Variants in LALBA observed in about 807,000 individuals in gnomAD.
The protein encoded by LALBA is lactalbumin alpha, also known as alpha-lactalbumin.
A neutral mutation model predicts 13.4 loss-of-function variants in LALBA; 12 were observed. The ratio of observed to expected loss-of-function variants is 0.89; its 90% CI spans 0.57 to 1.45. LALBA has a LOEUF of 1.45. LALBA is among the 40% of genes most tolerant of loss of function. The pLI, the probability that LALBA is intolerant of heterozygous loss-of-function variation, is 0.00. For missense variants in LALBA, 145 were observed against 165.9 expected, an observed-to-expected ratio of 0.87 and a Z score of 0.69; for synonymous variants, 64 against 61.0, an observed-to-expected ratio of 1.05 and a Z score of -0.23.
At chr12:48,571,613 G>C (rs1012936275), upstream of LALBA, among the ~76,000 whole-genome samples, 1 of 151,918 alleles carries the variant, frequency 6.6e-6, no homozygotes, top group African/African-American at 2.4e-5. Flanking sequence ...TCAAACTTCT[G>C]AGCTCAGGCA....
At chr12:48,569,271 G>A (rs1236811138) in intron 1 of LALBA, 31 bp from the exon 2 acceptor site, 1 of 1,572,398 alleles carries the variant, frequency 6.4e-7, no homozygotes, top group East Asian at 2.3e-5. Flanking sequence ...AGATACCACA[G>A]AGATGTACAG....
chr12:48,569,240 A>G lies in LALBA; in HGVS notation c.134T>C (p.Leu45Ser). ...ACTGGTGTGAAACATGGTACAGATC[A>G]CTGAGGGAAAGATGAGAAAGAGATA... ...DGYGGIALPE[L>S]ICTMFHTSGY... is the part of the protein sequence containing the mutation. The change falls in exon 2 of 4, where the codon TTG (leucine) becomes TCG (serine). Residue 45 changes from leucine to serine, a missense_variant and splice_region_variant. Physicochemically the swap from Leu to Ser is moderately radical, Grantham distance 145. Transcript: ENST00000301046. 6.2e-7 allele frequency: 1 copy of G among 1,610,152 alleles called. No individual in the cohort carries two copies. The highest frequency in any genetic ancestry group is 8.5e-7 in the Non-Finnish European group (1 of 1,177,604).
At position 48,567,792 on chromosome 12, in the gene LALBA, C is replaced by T; in HGVS notation, c.*165G>A. The T allele has an allele frequency of 1.6e-6, 1 of 636,722 alleles. No homozygotes were observed. The highest frequency in any genetic ancestry group is 2.8e-6 in the Non-Finnish European group (1 of 352,680). 39.4% of individuals were successfully genotyped at this position (636,722 alleles called of 1,614,324 possible). A position where few individuals can be genotyped will look rare whatever the true frequency, so the allele number is the denominator to read the frequency against. On this transcript the variant is annotated 3_prime_UTR_variant, in exon 4 of 4. Coordinates refer to ENST00000301046, the MANE Select transcript of LALBA (RefSeq NM_002289.3). ...TCTAGAGCTCAGTGCACCACTCAGG[C>T]ATCCCTGGAAAATAGTCTTCAAGAA...
At chr12:48,571,641 T>G (rs79641683), upstream of LALBA, among the ~76,000 whole-genome samples, 35 of 152,252 alleles carry the variant, frequency 2.3e-4, no homozygotes, top group East Asian at 6.8e-3. Flanking sequence ...TGCCTGGGCC[T>G]CGGCCTCCCA....
chr12:48,568,975 G>A, intron 2 of LALBA, 107 bp downstream of exon 2: 1 of 982,328 alleles, frequency 1.0e-6, no homozygotes, highest in Non-Finnish European at 1.5e-6. Context: ...TTTTTATAGA[G>A]CCCAGCCAAG....
chr12:48,567,886 A>T lies in LALBA; in HGVS notation c.*71T>A. 7.9e-7 allele frequency: 1 copy of T among 1,263,110 alleles called. No homozygotes were observed. The highest frequency in any genetic ancestry group is 1.3e-5 in the South Asian group (1 of 78,840). 78.2% of individuals were successfully genotyped at this position (1,263,110 alleles called of 1,614,324 possible). On this transcript the variant is annotated 3_prime_UTR_variant, in exon 4 of 4. Coordinates refer to ENST00000301046, the MANE Select transcript of LALBA (RefSeq NM_002289.3). The stretch of plus-strand genomic sequence containing the variant: ...GCTTTGGGGGAACAGAAAGAAACAA[A>T]CTGAGGTGGCATTAGGGAAGAGGTA...
At chr12:48,570,064 T>G, upstream of LALBA, 2 of 1,610,278 alleles carry the variant, frequency 1.2e-6, no homozygotes, top group Non-Finnish European at 1.7e-6. Flanking sequence ...TCACTCAGTT[T>G]CATTTATTTA....
At chr12:48,570,126 A>C, upstream of LALBA, 1 of 1,191,394 alleles carries the variant, frequency 8.4e-7, no homozygotes, top group Non-Finnish European at 1.2e-6. Flanking sequence ...ACATCTAGGA[A>C]GAGAATGAAG....
rs887053775 is a variant in LALBA, at chr12:48,569,914, C to G, written c.107G>C (p.Gly36Ala). 1.2e-5 allele frequency: 20 copies of G among 1,613,890 alleles called. No individual in the cohort carries two copies. In the Admixed American group the frequency reaches 3.3e-4, roughly 27 times the overall value. Residue 36 changes from glycine (G) to alanine (A), a missense_variant, in exon 1 of 4, where the codon GGT (glycine) becomes GCT (alanine). Physicochemically the swap from Gly to Ala is moderately conservative, Grantham distance 60 (BLOSUM62 0). Coordinates refer to ENST00000301046, the MANE Select transcript of LALBA (RefSeq NM_002289.3). ...TTCAGGCAAAGCGATGCCTCCATAA[C>G]CATCTATGTCTTTCAGCAGCTGGGA... ...ELSQLLKDIDGYGGIALPELI... is the reference protein window; with the variant it reads ...ELSQLLKDIDAYGGIALPELI...
In LALBA at chr12:48,570,040, C is replaced by G. The variant is rs981803065; in HGVS notation, c.-20G>C. 7.4e-6 allele frequency: 12 copies of G among 1,613,366 alleles called. No individual in the cohort carries two copies. The highest frequency in any genetic ancestry group is 2.2e-5 in the East Asian group (1 of 44,886). On this transcript the variant is annotated 5_prime_UTR_variant, in exon 1 of 4. Coordinates refer to ENST00000301046, the MANE Select transcript of LALBA (RefSeq NM_002289.3). ...CCTCATTTTGGCTACCCCCAAGAACCTGAAATGGAAGCATCACTCAGTTTC... is the reference window on the plus strand; with the variant it reads ...CCTCATTTTGGCTACCCCCAAGAACGTGAAATGGAAGCATCACTCAGTTTC...
In LALBA at chr12:48,569,068, T is replaced by C. The variant is rs201685186; in HGVS notation, c.292+14A>G. ...TCAGAAAAACAGAGAAAGAGGGTTA[T>C]AGGGGCTACTCACTGTCACAGGAGA... On this transcript the variant is annotated intron_variant, in intron 2 of 3. Coordinates refer to ENST00000301046, the MANE Select transcript of LALBA (RefSeq NM_002289.3). The C allele has an allele frequency of 5.0e-6, 8 of 1,601,316 alleles. No homozygotes were observed. In the East Asian group the frequency reaches 1.8e-4, roughly 36 times the overall value.
At chr12:48,570,846 A>G (rs1376159721), upstream of LALBA, among the ~76,000 whole-genome samples, 3 of 151,974 alleles carry the variant, frequency 2.0e-5, no homozygotes, top group South Asian at 6.3e-4. Flanking sequence ...GCATGGTGAC[A>G]TGTGCCTGTA....
At chr12:48,570,841 G>T (rs916171088), upstream of LALBA, among the ~76,000 whole-genome samples, 1 of 151,958 alleles carries the variant, frequency 6.6e-6, no homozygotes, top group African/African-American at 2.4e-5. Flanking sequence ...GCTGGGCATG[G>T]TGACATGTGC....
upstream of LALBA, among the ~76,000 whole-genome samples, chr12:48,571,058 C>A (rs1300227625): frequency 6.6e-6 from 1 of 151,722 alleles, no homozygotes; most frequent in African/African-American, 2.4e-5. Flanking sequence ...CCACTCCTAC[C>A]GTAAATAACC....
chr12:48,569,032 A>ATTTTCTG, intron 2 of LALBA, 50 bp downstream of exon 2: 1 of 1,495,686 alleles, frequency 6.7e-7, no homozygotes, highest in Non-Finnish European at 9.0e-7. Flanking sequence ...AGATTATCCC[A>ATTTTCTG]AGGGCAGGCC....
chr12:48,570,663 G>A (rs1395358325), upstream of LALBA, among the ~76,000 whole-genome samples: 1 of 152,064 alleles, frequency 6.6e-6, no homozygotes, highest in Non-Finnish European at 1.5e-5. Context: ...CCTACTTAAG[G>A]AAAATGCATA....
Position 48,567,744 on chromosome 12 carries a change from C to T in LALBA, c.*213G>A. The T allele has an allele frequency of 1.2e-5, 6 of 514,014 alleles. No homozygotes were observed. The highest frequency in any genetic ancestry group is 1.8e-5 in the Non-Finnish European group (5 of 282,576). 31.8% of individuals were successfully genotyped at this position (514,014 alleles called of 1,614,324 possible). A position where few individuals can be genotyped will look rare whatever the true frequency, so the allele number is the denominator to read the frequency against. ...TGAAATCTGTGCTGTAGTGAAAGTG[C>T]CATCGAAGGCACTGAGTAAGGGTCT... On this transcript the variant is annotated 3_prime_UTR_variant, in exon 4 of 4. Coordinates refer to ENST00000301046, the MANE Select transcript of LALBA (RefSeq NM_002289.3).
intron 1 of LALBA, 97 bp downstream of exon 1, chr12:48,569,791 A>G (rs1938610694): frequency 9.2e-6 from 10 of 1,085,556 alleles, no homozygotes; most frequent in South Asian, 7.3e-5. Context: ...GGATGATTAG[A>G]TAATTAAGTA....
At chr12:48,568,983 A>G in intron 2 of LALBA, 99 bp downstream of exon 2, 1 of 1,045,526 alleles carries the variant, frequency 9.6e-7, no homozygotes, top group Non-Finnish European at 1.4e-6. Context: ...GAGCCCAGCC[A>G]AGGCAATGAA....
Sources: allele counts gnomAD v4.1 joint callset (sites outside exome capture counted in the v4.1 genomes callset), GRCh38; gene constraint gnomAD v4.1.1; transcripts MANE v1.5; gene names NCBI Gene and HGNC (gene_info 2026-07-23, HGNC 2026-07-21).